The following POU2F2 variants were observed in gnomAD, a reference collection of about 807,000 sequenced individuals.
POU2F2 encodes the protein POU class 2 homeobox 2.
In POU2F2, 14 loss-of-function variants were observed where a neutral mutation model predicts 63.5. The ratio of observed to expected loss-of-function variants is 0.22; its 90% CI spans 0.15 to 0.34. POU2F2 has a LOEUF of 0.34. Ranked by LOEUF, POU2F2 falls within the 10% of genes least tolerant of loss-of-function variation. POU2F2 has a pLI of 1.00. For synonymous variants in POU2F2, 306 were observed against 348.6 expected (o/e 0.88, Z 1.36); for missense variants, 607 against 815.2 (o/e 0.74, Z 3.11).
rs1414107137 is a variant in POU2F2 at position 42,152,269 on chromosome 19, T to A, written c.-9+8063A>T. Among the ~76,000 whole-genome samples, 1 of 151,808 alleles carries A rather than the reference T, an allele frequency of 6.6e-6. No individual in the cohort carries two copies. The highest frequency in any genetic ancestry group is 1.5e-5 in the Non-Finnish European group (1 of 67,940). The stretch of plus-strand genomic sequence containing the variant: ...ATTCTCCTATGAAGGCTGAGGTGAC[T>A]CTCGGGGAGAGGGCCGCAGCGAAGA... On this transcript the variant is annotated intron_variant, in intron 2 of 6. Coordinates refer to the POU2F2 transcript ENST00000524801. The surrounding 1 kb of genome is among the most constrained non-coding windows in gnomAD (Gnocchi z 4.1).
At chr19:42,151,292 G>A (rs2034344893) in intron 2 of POU2F2, among the ~76,000 whole-genome samples, 1 of 151,976 alleles carries the variant, frequency 6.6e-6, no homozygotes, top group Admixed American at 6.5e-5. Context: ...GAGGGGCTGT[G>A]GGGATGGCCA....
In POU2F2 at chr19:42,095,299, T is replaced by C. The variant is rs780799073; in HGVS notation, c.1184A>G (p.Tyr395Cys). ...GGCTCTTGGTACCATATGGGGGCTGTAGCTGGCCGGCTTCCCTGGGCTGGG... is the reference window on the plus strand; with the variant it reads ...GGCTCTTGGTACCATATGGGGGCTGCAGCTGGCCGGCTTCCCTGGGCTGGG... ...MLPSPGKPASYSPHMVTPQGG... is the reference protein window; with the variant it reads ...MLPSPGKPASCSPHMVTPQGG... The change falls in exon 11 of 15, where the codon TAC (tyrosine) becomes TGC (cysteine). Residue 395 changes from tyrosine (Y) to cysteine (C), a missense_variant. This residue lies in a region of POU2F2 where 270 missense variants were observed against 307.5 expected (regional missense o/e 0.88). Transcript: ENST00000692977. The surrounding 1 kb of genome is among the most constrained non-coding windows in gnomAD (Gnocchi z 7.1). The C allele has an allele frequency of 3.1e-6, 5 of 1,613,232 alleles. No individual in the cohort carries two copies. In the South Asian group the frequency reaches 4.4e-5, roughly 14 times the overall value.
In POU2F2 at chr19:42,099,622, G is replaced by A. The variant is rs1336556811; in HGVS notation, c.476-4C>T. Reference sequence around the variant, plus strand: ...AGATTTGGTGTCGGTAGCAGGCCTGGAAAGACAAGGGGAAATACACAGGGT... The same window carrying A: ...AGATTTGGTGTCGGTAGCAGGCCTGAAAAGACAAGGGGAAATACACAGGGT... On this transcript the variant is annotated splice_polypyrimidine_tract_variant and splice_region_variant and intron_variant, in intron 6 of 14. Transcript: ENST00000692977. The A allele has an allele frequency of 2.5e-6, 4 of 1,612,752 alleles. No homozygotes were observed. In the African/African-American group the frequency reaches 4.0e-5, roughly 16 times the overall value.
Position 42,088,476 on chromosome 19 carries a change from G to C in POU2F2, c.*2781C>G, listed in dbSNP as rs2076616056. 1 of 151,260 alleles carries C rather than the reference G, an allele frequency of 6.6e-6. No homozygotes were observed. Among genetic ancestry groups the C allele is most frequent in the Non-Finnish European group, 1.5e-5 (1 of 67,940 alleles). The allele number at this position is 151,260 out of a possible 1,614,324, so 9.4% of individuals were successfully genotyped here. On this transcript the variant is annotated 3_prime_UTR_variant, in exon 15 of 15. Coordinates refer to ENST00000692977, the MANE Select transcript of POU2F2 (RefSeq NM_001394376.1). Reference sequence around the variant, plus strand: ...AGGAAGCAGGATGAAGTGGGTGGTGGTGAGTCCTGGATTTTCTTTCCTTTT... The same window carrying C: ...AGGAAGCAGGATGAAGTGGGTGGTGCTGAGTCCTGGATTTTCTTTCCTTTT...
At position 42,091,441 on chromosome 19, in the gene POU2F2, G is replaced by A. The variant is rs1364217811; in HGVS notation, c.1691C>T (p.Pro564Leu). ...TGCTGAGACCAGGCCCACACCAGGC[G>A]GGGTGCTGAGCAGGGGCAGCCCAGC... ...NHAGLPLLST[P>L]PGVGLVSAAA... is the part of the protein sequence containing the mutation. Residue 564 changes from proline to leucine, a missense_variant, in exon 15 of 15, where the codon CCG (proline) becomes CTG (leucine). Coordinates refer to ENST00000692977, the MANE Select transcript of POU2F2 (RefSeq NM_001394376.1). 18 of 1,550,728 alleles carry A rather than the reference G, an allele frequency of 1.2e-5. No individual in the cohort carries two copies. Among genetic ancestry groups the A allele is most frequent in the Non-Finnish European group, 1.6e-5 (18 of 1,146,926 alleles).
At position 42,169,308 on chromosome 19, in the gene POU2F2, C is replaced by A. The variant is rs149998411; in HGVS notation, c.-70+6655G>T. Among the ~76,000 whole-genome samples, 14 of 152,330 alleles carry A rather than the reference C, an allele frequency of 9.2e-5. No individual in the cohort carries two copies. Among genetic ancestry groups the A allele is most frequent in the African/African-American group, 3.4e-4 (14 of 41,580 alleles). ...CCATGTTTTAGTATTTCTATTCGTA[C>A]ATTTTCTATTGAAAAACAAATCTCC... is the stretch of plus-strand genomic sequence containing the variant. On this transcript the variant is annotated intron_variant, in intron 1 of 6. Transcript: ENST00000524801. This position sits in a 1 kb window ranked among gnomAD's most constrained non-coding sequence, Gnocchi z 4.3.
upstream of POU2F2, among the ~76,000 whole-genome samples, chr19:42,179,201 GA>G (rs2034932193): frequency 6.6e-6 from 1 of 152,052 alleles, no homozygotes; most frequent in Non-Finnish European, 1.5e-5. Flanking sequence ...CACCAAGGGG[GA>G]AAGGGCAGAC....
intron 1 of POU2F2, among the ~76,000 whole-genome samples, chr19:42,187,340 C>T (rs1599731294): frequency 6.6e-6 from 1 of 151,244 alleles, no homozygotes; most frequent in Non-Finnish European, 1.5e-5. Context: ...TGGAGGGTGC[C>T]TGTAATCCCA....
In POU2F2 at chr19:42,095,744, G is replaced by A. The variant is rs199559454; in HGVS notation, c.871+44C>T. On this transcript the variant is annotated intron_variant, in intron 9 of 14. Transcript: ENST00000692977. This position sits in a 1 kb window ranked among gnomAD's most constrained non-coding sequence, Gnocchi z 7.1. ...TGAGAAGGGGCCTCCCGCGGCCAGC[G>A]GCCACTGCCCGCCCCCTACGCGGGA... is the stretch of plus-strand genomic sequence containing the variant. 1.3e-5 allele frequency: 21 copies of A among 1,613,146 alleles called. No homozygotes were observed. The East Asian group carries it at 4.0e-4, about 31-fold the overall frequency.
At chr19:42,139,778 C>T (rs546136046) in intron 2 of POU2F2, among the ~76,000 whole-genome samples, 5 of 152,190 alleles carry the variant, frequency 3.3e-5, no homozygotes, top group Admixed American at 6.5e-5. Context: ...GAAACAAGAA[C>T]GGGTGAGATG....
At chr19:42,170,394 C>T (rs1299042622) in intron 1 of POU2F2, among the ~76,000 whole-genome samples, 3 of 150,424 alleles carry the variant, frequency 2.0e-5, no homozygotes, top group Admixed American at 1.3e-4. Flanking sequence ...CCAGACCCAT[C>T]GCTTCTTCCC....
At chr19:42,170,799 A>G (rs2034747058) in intron 1 of POU2F2, among the ~76,000 whole-genome samples, 1 of 152,272 alleles carries the variant, frequency 6.6e-6, no homozygotes, top group Non-Finnish European at 1.5e-5. Context: ...CTGCTGCAAC[A>G]GAGCCGGATC....
At chr19:42,145,361 T>A (rs2034209413) in intron 2 of POU2F2, among the ~76,000 whole-genome samples, 1 of 152,194 alleles carries the variant, frequency 6.6e-6, no homozygotes, top group African/African-American at 2.4e-5. Context: ...CCACTCAGCC[T>A]CTCTGTGCCT....
intron 1 of POU2F2, among the ~76,000 whole-genome samples, chr19:42,191,462 T>G (rs1288121724): frequency 6.6e-6 from 1 of 152,150 alleles, no homozygotes; most frequent in Non-Finnish European, 1.5e-5. Context: ...AGCTTCCTGC[T>G]GCCTTCACCT....
At chr19:42,116,070 C>T (rs1356061501) in intron 5 of POU2F2, among the ~76,000 whole-genome samples, 4 of 152,174 alleles carry the variant, frequency 2.6e-5, no homozygotes, top group Non-Finnish European at 5.9e-5. Context: ...ACGGCCCTGC[C>T]GATACCTTGA....
intron 1 of POU2F2, among the ~76,000 whole-genome samples, chr19:42,165,768 C>A (rs1001662715): frequency 6.6e-6 from 1 of 152,032 alleles, no homozygotes; most frequent in Non-Finnish European, 1.5e-5. Context: ...TAGCAAAAGG[C>A]CTTACACACA....
chr19:42,151,274 G>C (rs987889141), intron 2 of POU2F2, among the ~76,000 whole-genome samples: 1 of 152,008 alleles, frequency 6.6e-6, no homozygotes, highest in Admixed American at 6.5e-5. Flanking sequence ...TCAGGGAAGC[G>C]GGGAGGAGAG....
At chr19:42,099,854 C>CAGGACTCAGGCTA in intron 5 of POU2F2, 33 bp from the exon 6 acceptor site, 1 of 1,527,732 alleles carries the variant, frequency 6.5e-7, no homozygotes, top group Non-Finnish European at 8.9e-7. Flanking sequence ...GAAAGATAGC[C>CAGGACTCAGGCTA]TGAGTCCTGG....
chr19:42,096,344 C>T lies in POU2F2; in HGVS notation c.568-101G>A. The T allele has an allele frequency of 8.1e-7, 1 of 1,235,606 alleles. No individual in the cohort carries two copies. Among genetic ancestry groups the T allele is most frequent in the Non-Finnish European group, 1.1e-6 (1 of 914,856 alleles). The allele number at this position is 1,235,606 out of a possible 1,614,324, so 76.5% of individuals were successfully genotyped here. On this transcript the variant is annotated intron_variant, in intron 7 of 14. Coordinates refer to ENST00000692977, the MANE Select transcript of POU2F2 (RefSeq NM_001394376.1). This position sits in a 1 kb window ranked among gnomAD's most constrained non-coding sequence, Gnocchi z 4.1. ...CTCCCGCCCTCTTCGCCCCTGCGTT[C>T]CATCCGCCGCCTGCAGACTCCCCCC...
Sources: gnomAD v4.1 joint callset for allele counts (sites outside exome capture counted in the v4.1 genomes callset) on GRCh38, gnomAD v4.1.1 for gene constraint, gnomAD v4.1.1 regional missense constraint, Gnocchi (gnomAD v3.1) non-coding constraint, MANE v1.5 for transcripts, NCBI Gene and HGNC (gene_info 2026-07-23, HGNC 2026-07-21) for gene names.